ERC1: variants seen among roughly 807,000 people sequenced by gnomAD.
The protein encoded by ERC1 is ELKS/RAB6-interacting/CAST family member 1.
A neutral mutation model predicts 132.0 loss-of-function variants in ERC1; 56 were observed. That is an observed-to-expected ratio of 0.42 (90% CI 0.34 to 0.53). The LOEUF is 0.53. Ranked by LOEUF, ERC1 falls within the 20% of genes least tolerant of loss-of-function variation. The pLI is 0.03. For missense variants in ERC1, 1,202 were observed against 1,349.9 expected (o/e 0.89, Z 1.72); for synonymous variants, 478 against 476.1 (o/e 1.00, Z -0.05).
intron 8 of ERC1, among the ~76,000 whole-genome samples, chr12:1,149,223 C>G (rs1464972747): frequency 6.6e-6 from 1 of 151,962 alleles, no homozygotes; most frequent in African/African-American, 2.4e-5. Flanking sequence ...TATTTTTAGG[C>G]AGGAGTAACA....
At chr12:1,352,792 C>G (rs1283677146) in intron 15 of ERC1, among the ~76,000 whole-genome samples, 1 of 152,104 alleles carries the variant, frequency 6.6e-6, no homozygotes, top group African/African-American at 2.4e-5. Context: ...TTTATTCTTT[C>G]TATTGCTTTT....
intron 15 of ERC1, among the ~76,000 whole-genome samples, chr12:1,365,697 A>G (rs190190997): frequency 5.6e-4 from 85 of 152,370 alleles, no homozygotes; most frequent in African/African-American, 2.0e-3. Context: ...GGCTAATGCA[A>G]TGCAGAACAT....
At position 1,444,670 on chromosome 12, in the gene ERC1, C is replaced by G. The variant is rs761395396; in HGVS notation, c.3133C>G (p.Leu1045Val). 2 of 1,614,050 alleles carry G rather than the reference C, an allele frequency of 1.2e-6. No homozygotes were observed. The highest frequency in any genetic ancestry group is 2.7e-5 in the African/African-American group (2 of 74,930). ...HDRDPLILRG[L>V]TPPASYNLDD... ...CCGAGACCCCCTGATCCTCCGTGGACTCACTCCACCAGCTTCCTATAACTT... is the reference window on the plus strand; with the variant it reads ...CCGAGACCCCCTGATCCTCCGTGGAGTCACTCCACCAGCTTCCTATAACTT... The change falls in exon 18 of 19, where the codon CTC becomes GTC. Residue 1045 changes from leucine (L) to valine (V), a missense_variant. Coordinates refer to ENST00000360905, the MANE Select transcript of ERC1 (RefSeq NM_178040.4).
At chr12:1,022,376 G>C (rs990816309) in intron 1 of ERC1, among the ~76,000 whole-genome samples, 1 of 152,210 alleles carries the variant, frequency 6.6e-6, no homozygotes, top group African/African-American at 2.4e-5. Flanking sequence ...TGAAGAGTGT[G>C]TTGGGTGATT....
chr12:1,400,275 G>T (rs543529976), intron 16 of ERC1, among the ~76,000 whole-genome samples: 1 of 152,052 alleles, frequency 6.6e-6, no homozygotes, highest in Non-Finnish European at 1.5e-5. Flanking sequence ...TTTAATTGGG[G>T]TATTTGTATT....
intron 17 of ERC1, among the ~76,000 whole-genome samples, chr12:1,428,130 G>A (rs2154402634): frequency 6.6e-6 from 1 of 152,240 alleles, no homozygotes; most frequent in African/African-American, 2.4e-5. Context: ...TTACTAATGA[G>A]GAAGAGCTAT....
chr12:1,291,752 AT>A (rs2079466684), intron 15 of ERC1, among the ~76,000 whole-genome samples: 2 of 152,178 alleles, frequency 1.3e-5, no homozygotes, highest in Admixed American at 6.5e-5. Context: ...TATTAATGTA[AT>A]TTTTGAGCGT....
chr12:1,481,942 A>G (rs1156371319), intron 18 of ERC1, among the ~76,000 whole-genome samples: 2 of 152,052 alleles, frequency 1.3e-5, no homozygotes, highest in East Asian at 3.9e-4. Context: ...TAGGTTTTCT[A>G]ATCCTGCCCA....
intron 14 of ERC1, among the ~76,000 whole-genome samples, chr12:1,270,758 A>G (rs1314323448): frequency 6.6e-6 from 1 of 151,698 alleles, no homozygotes; most frequent in Non-Finnish European, 1.5e-5. Flanking sequence ...ACCACAGGAA[A>G]ATATTAAAAT....
At chr12:1,246,443 T>C (rs900188467) in intron 13 of ERC1, among the ~76,000 whole-genome samples, 4 of 152,210 alleles carry the variant, frequency 2.6e-5, no homozygotes, top group Admixed American at 6.5e-5. Flanking sequence ...GACAGACGGC[T>C]CTTTCTCATA....
chr12:1,248,690 A>G (rs1228021868), intron 13 of ERC1, among the ~76,000 whole-genome samples: 1 of 152,124 alleles, frequency 6.6e-6, no homozygotes, highest in African/African-American at 2.4e-5. Flanking sequence ...GTTTTTTGCA[A>G]TATCTGGAGG....
At chr12:1,212,824 G>T (rs894813615) in intron 12 of ERC1, among the ~76,000 whole-genome samples, 1 of 152,124 alleles carries the variant, frequency 6.6e-6, no homozygotes, top group African/African-American at 2.4e-5. Flanking sequence ...CTCCTCCCAG[G>T]GCACCGCTGG....
intron 7 of ERC1, among the ~76,000 whole-genome samples, chr12:1,135,033 T>C (rs1380576866): frequency 6.6e-6 from 1 of 152,174 alleles, no homozygotes; most frequent in East Asian, 1.9e-4. Flanking sequence ...CTGCCGGTCC[T>C]CAGTAATCTT....
At chr12:1,355,811 T>G (rs1037443466) in intron 15 of ERC1, among the ~76,000 whole-genome samples, 7 of 152,002 alleles carry the variant, frequency 4.6e-5, no homozygotes, top group South Asian at 2.1e-4. Context: ...ATTAGCTGAA[T>G]TGAGGGTGGA....
Position 1,302,557 on chromosome 12 carries a change from T to A in ERC1, c.2780+12545T>A, listed in dbSNP as rs142693603. 1.4e-3 allele frequency among the ~76,000 whole-genome samples: 209 copies of A among 152,338 alleles called. 1 individual carries two copies. Among genetic ancestry groups the A allele is most frequent in the African/African-American group, 4.9e-3 (202 of 41,570 alleles). On this transcript the variant is annotated intron_variant, in intron 15 of 18. Coordinates refer to ENST00000360905, the MANE Select transcript of ERC1 (RefSeq NM_178040.4). Reference sequence around the variant, plus strand: ...GTATGTATTCATAAACATGGTTGTTTAGGGCATTTTAGGCATAGTTTGGGG... The same window carrying A: ...GTATGTATTCATAAACATGGTTGTTAAGGGCATTTTAGGCATAGTTTGGGG...
intron 12 of ERC1, among the ~76,000 whole-genome samples, chr12:1,211,867 G>A (rs1957910401): frequency 6.6e-6 from 1 of 152,088 alleles, no homozygotes; most frequent in Non-Finnish European, 1.5e-5. Context: ...TCTGTGTCCG[G>A]CCATAATCAG....
At chr12:1,282,570 G>A (rs1011995348) in intron 14 of ERC1, among the ~76,000 whole-genome samples, 19 of 152,196 alleles carry the variant, frequency 1.2e-4, no homozygotes, top group African/African-American at 4.3e-4. Context: ...TAGTGTAAAT[G>A]ATAGCCTAAA....
At chr12:1,280,153 A>T (rs895473904) in intron 14 of ERC1, among the ~76,000 whole-genome samples, 2 of 152,130 alleles carry the variant, frequency 1.3e-5, no homozygotes, top group African/African-American at 2.4e-5. Context: ...TCTCCTACTG[A>T]GAAGTTTGAT....
intron 17 of ERC1, among the ~76,000 whole-genome samples, chr12:1,429,700 G>A (rs77644558): frequency 0.059 from 9,050 of 152,246 alleles, 388 homozygotes; most frequent in African/African-American, 0.11. Flanking sequence ...CAGGTCTCCA[G>A]AGAGATTTAG....
Sources: allele counts gnomAD v4.1 joint callset (sites outside exome capture counted in the v4.1 genomes callset), GRCh38; gene constraint gnomAD v4.1.1; transcripts MANE v1.5; gene names NCBI Gene and HGNC (gene_info 2026-07-23, HGNC 2026-07-21).